LOXL1: variants seen among roughly 807,000 people sequenced by gnomAD.
LOXL1 encodes the protein lysyl oxidase homolog 1.
A neutral mutation model predicts 62.2 loss-of-function variants in LOXL1; 31 were observed. The observed-to-expected ratio is 0.50, with a 90% CI of 0.37 to 0.67. LOXL1 has a LOEUF of 0.67. Ranked by LOEUF, LOXL1 falls within the 30% of genes least tolerant of loss-of-function variation. The pLI is 0.00. For missense variants in LOXL1, 775 were observed against 843.4 expected, an observed-to-expected ratio of 0.92 and a Z score of 1.00; for synonymous variants, 403 against 384.4, an observed-to-expected ratio of 1.05 and a Z score of -0.56.
In LOXL1 at chr15:73,945,640, A is replaced by G. The variant is rs988076761; in HGVS notation, c.1212-777A>G. On this transcript the variant is annotated intron_variant, in intron 2 of 6. Transcript: ENST00000261921. The surrounding 1 kb of genome is among the most constrained non-coding windows in gnomAD (Gnocchi z 4.3). Reference sequence around the variant, plus strand: ...TGTTTTTCAGGCCCACACCCAAGACATGGCATACTTTGGTCAACAATTAGG... The same window carrying G: ...TGTTTTTCAGGCCCACACCCAAGACGTGGCATACTTTGGTCAACAATTAGG... Among the ~76,000 whole-genome samples, 3 of 152,164 alleles carry G rather than the reference A, an allele frequency of 2.0e-5. No homozygotes were observed. The highest frequency in any genetic ancestry group is 4.4e-5 in the Non-Finnish European group (3 of 68,020).
At chr15:73,938,583 C>T (rs763484415) in intron 1 of LOXL1, among the ~76,000 whole-genome samples, 7 of 152,226 alleles carry the variant, frequency 4.6e-5, no homozygotes, top group Admixed American at 2.6e-4. Flanking sequence ...TGGTGGCATG[C>T]GCCTGTGGTC....
chr15:73,933,671 A>G (rs1404946079), intron 1 of LOXL1, among the ~76,000 whole-genome samples: 2 of 152,004 alleles, frequency 1.3e-5, no homozygotes, highest in African/African-American at 4.8e-5. Flanking sequence ...AGTCCATTCT[A>G]CCTCCTTTCT....
intron 1 of LOXL1, among the ~76,000 whole-genome samples, chr15:73,929,183 G>A (rs1268284776): frequency 6.6e-6 from 1 of 152,194 alleles, no homozygotes; most frequent in Non-Finnish European, 1.5e-5. Flanking sequence ...CAGCTTTTGG[G>A]CCAAGGTTTT....
At chr15:73,936,995 C>A (rs2141627386) in intron 1 of LOXL1, among the ~76,000 whole-genome samples, 1 of 152,374 alleles carries the variant, frequency 6.6e-6, no homozygotes, top group Non-Finnish European at 1.5e-5. Context: ...CAGTCTCCCT[C>A]ATCATCCAGA....
At chr15:73,941,084 C>A (rs2068710496) in intron 1 of LOXL1, among the ~76,000 whole-genome samples, 1 of 152,202 alleles carries the variant, frequency 6.6e-6, no homozygotes, top group Non-Finnish European at 1.5e-5. Context: ...GCCCATCCCT[C>A]TCATCCTCAC....
In LOXL1 at chr15:73,927,209, C is replaced by T; in HGVS notation, c.426C>T (p.Ala142=). 6.3e-7 allele frequency: 1 copy of T among 1,594,130 alleles called. No individual in the cohort carries two copies. Among genetic ancestry groups the T allele is most frequent in the Non-Finnish European group, 8.5e-7 (1 of 1,175,758 alleles). The part of the protein sequence containing the change: ...AVGDSTGMAR[A]RTSVSQQRHG... ...GGGACAGCACGGGCATGGCCCGGGC[C>T]CGCACCTCCGTCTCCCAGCAACGGC... Residue 142 remains alanine (A), a synonymous_variant, in exon 1 of 7, where the codon GCC becomes GCT. Coordinates refer to ENST00000261921, the MANE Select transcript of LOXL1 (RefSeq NM_005576.4).
intron 1 of LOXL1, among the ~76,000 whole-genome samples, chr15:73,933,403 T>C (rs1461211668): frequency 3.3e-5 from 5 of 152,198 alleles, no homozygotes; most frequent in African/African-American, 1.2e-4. Context: ...ACTGTTCCCC[T>C]GAGGTGTAAA....
chr15:73,951,282 C>T (rs779057037), intron 6 of LOXL1, among the ~76,000 whole-genome samples: 6 of 152,160 alleles, frequency 3.9e-5, no homozygotes, highest in East Asian at 1.9e-4. Flanking sequence ...CCCAGCTCCC[C>T]GGGGGCCTGT....
intron 1 of LOXL1, 51 bp from the exon 2 acceptor site, chr15:73,942,803 C>G (rs374890646): frequency 3.6e-5 from 42 of 1,153,630 alleles, no homozygotes; most frequent in Non-Finnish European, 5.5e-5. Context: ...CTGATGCTCT[C>G]AATGTCATGC....
At chr15:73,938,307 CTATCTATCTAGG>C (rs1488425312) in intron 1 of LOXL1, among the ~76,000 whole-genome samples, 1 of 151,332 alleles carries the variant, frequency 6.6e-6, no homozygotes, top group Non-Finnish European at 1.5e-5. Flanking sequence ...ATCTATCTAT[CTATCTATCTAGG>C]TAGATAGATA....
At chr15:73,944,885 G>A (rs1045178551) in intron 2 of LOXL1, among the ~76,000 whole-genome samples, 4 of 152,178 alleles carry the variant, frequency 2.6e-5, no homozygotes, top group Admixed American at 2.0e-4. Context: ...AGTCTGAGCC[G>A]CCTGTTGTCC....
intron 1 of LOXL1, chr15:73,928,206 G>A (rs1203757258): frequency 6.3e-6 from 2 of 315,678 alleles, no homozygotes; most frequent in Middle Eastern, 8.4e-4. Context: ...GGTCATCTGA[G>A]GACAAAAGGA....
rs898782284 is a variant in LOXL1 at position 73,927,811 on chromosome 15, G to C, written c.1028G>C (p.Gly343Ala). 2.9e-6 allele frequency: 4 copies of C among 1,368,780 alleles called. No individual in the cohort carries two copies. The highest frequency in any genetic ancestry group is 2.8e-6 in the Non-Finnish European group (3 of 1,069,888). The allele number at this position is 1,368,780 out of a possible 1,614,324, so 84.8% of individuals were successfully genotyped here. The change falls in exon 1 of 7, where the codon GGT (glycine) becomes GCT (alanine). Residue 343 changes from glycine (G) to alanine (A), a missense_variant. Transcript: ENST00000261921. ...PVRSSDTPPPGGERNGAQQGR... is the reference protein window; with the variant it reads ...PVRSSDTPPPAGERNGAQQGR... ...CGCAGCTCCGACACGCCCCCGCCGGGTGGGGAGCGGAACGGCGCGCAGCAG... is the reference window on the plus strand; with the variant it reads ...CGCAGCTCCGACACGCCCCCGCCGGCTGGGGAGCGGAACGGCGCGCAGCAG...
intron 2 of LOXL1, among the ~76,000 whole-genome samples, chr15:73,944,191 A>AT (rs1279641568): frequency 1.3e-5 from 2 of 152,176 alleles, no homozygotes; most frequent in African/African-American, 4.8e-5. Flanking sequence ...GGAAGAGAGC[A>AT]TAATGGTCCT....
intron 4 of LOXL1, 53 bp from the exon 5 acceptor site, chr15:73,947,754 G>C (rs985648422): frequency 1.6e-6 from 2 of 1,289,388 alleles, no homozygotes; most frequent in African/African-American, 2.9e-5. Flanking sequence ...TGGGCGTGGG[G>C]TGGCTCTGGG....
chr15:73,951,370 G>T (rs776116601), intron 6 of LOXL1, among the ~76,000 whole-genome samples: 1 of 152,164 alleles, frequency 6.6e-6, no homozygotes. Context: ...CCTTATTAGA[G>T]TGTCTCAGTC....
intron 1 of LOXL1, among the ~76,000 whole-genome samples, chr15:73,928,995 G>T (rs920730402): frequency 6.6e-6 from 1 of 152,154 alleles, no homozygotes; most frequent in African/African-American, 2.4e-5. Context: ...TCCTCCTCTT[G>T]GGAAGGCCCA....
chr15:73,930,698 G>C lies in LOXL1; in HGVS notation c.1102+2813G>C, dbSNP rs903945546. 3.9e-5 allele frequency among the ~76,000 whole-genome samples: 6 copies of C among 152,196 alleles called. No homozygotes were observed. Among genetic ancestry groups the C allele is most frequent in the African/African-American group, 1.4e-4 (6 of 41,450 alleles). Reference sequence around the variant, plus strand: ...GAGCACCACCCACCTCCCTCCATGGGTGGGTGGTTTCCAAGCGCCTGTCCT... The same window carrying C: ...GAGCACCACCCACCTCCCTCCATGGCTGGGTGGTTTCCAAGCGCCTGTCCT... On this transcript the variant is annotated intron_variant, in intron 1 of 6. Coordinates refer to ENST00000261921, the MANE Select transcript of LOXL1 (RefSeq NM_005576.4). This position sits in a 1 kb window ranked among gnomAD's most constrained non-coding sequence, Gnocchi z 4.7.
chr15:73,927,920 TACCCCTG>T, intron 1 of LOXL1, 35 bp downstream of exon 1: 1 of 1,296,086 alleles, frequency 7.7e-7, no homozygotes, highest in Non-Finnish European at 9.7e-7. Context: ...CGGCCGCGCG[TACCCCTG>T]GCCACTGGAA....
Sources: allele counts gnomAD v4.1 joint callset (sites outside exome capture counted in the v4.1 genomes callset), GRCh38; gene constraint gnomAD v4.1.1; non-coding constraint Gnocchi (gnomAD v3.1); transcripts MANE v1.5; gene names NCBI Gene and HGNC (gene_info 2026-07-23, HGNC 2026-07-21).